GLIS3: variants seen among roughly 807,000 people sequenced by gnomAD.
GLIS3 encodes the protein zinc finger protein GLIS3.
Under a neutral mutation model 78.6 loss-of-function variants are expected in GLIS3, and 53 were observed. That is an observed-to-expected ratio of 0.67 (90% CI 0.54 to 0.85). The LOEUF (loss-of-function observed/expected upper bound fraction) is 0.85. Ranked by LOEUF, GLIS3 falls within the 40% of genes least tolerant of loss-of-function variation. The probability of loss-of-function intolerance (pLI) is 0.00; values close to 1 mark genes in which losing one functional copy is unlikely to be tolerated. For synonymous variants in GLIS3, 684 were observed against 509.9 expected, an observed-to-expected ratio of 1.34 and a Z score of -4.60; for missense variants, 1,703 against 1,231.1, an observed-to-expected ratio of 1.38 and a Z score of -5.74.
At chr9:4,305,217 C>T (rs978424023) in intron 4 of GLIS3, 1 of 152,170 alleles carries the variant, frequency 6.6e-6, no homozygotes, top group African/African-American at 2.4e-5. Context: ...GGGCAGGAAA[C>T]CCTACTTCCA....
rs538611131 is a variant in GLIS3 at position 4,274,657 on chromosome 9, A to G, written c.388+11381T>C. Among the ~76,000 whole-genome samples, 333 of 152,292 alleles carry G rather than the reference A, an allele frequency of 2.2e-3. 1 individual carries two copies. The highest frequency in any genetic ancestry group is 3.6e-3 in the Non-Finnish European group (245 of 68,024). On this transcript the variant is annotated intron_variant, in intron 2 of 10. Coordinates refer to ENST00000381971, the MANE Select transcript of GLIS3 (RefSeq NM_001042413.2). ...CTAGCAAAAAACAGATTCAAAAACA[A>G]AATTATTAAGAATGCCAAGAAGGTG...
intron 2 of GLIS3, among the ~76,000 whole-genome samples, chr9:4,141,794 A>G (rs969116315): frequency 7.9e-5 from 12 of 152,220 alleles, no homozygotes; most frequent in Non-Finnish European, 1.6e-4. Context: ...TTTAACTAAA[A>G]TACCAAAATA....
intron 2 of GLIS3, among the ~76,000 whole-genome samples, chr9:4,314,792 C>G (rs914107877): frequency 2.6e-5 from 4 of 152,202 alleles, no homozygotes; most frequent in African/African-American, 7.2e-5. Flanking sequence ...CCTTTAACCT[C>G]TGTCCCTGAG....
intron 2 of GLIS3, among the ~76,000 whole-genome samples, chr9:4,321,196 G>A (rs1158973297): frequency 3.3e-5 from 5 of 149,298 alleles, no homozygotes; most frequent in Admixed American, 6.7e-5. Flanking sequence ...CGAGGCGGGC[G>A]GATCACAAGG....
At chr9:4,208,883 G>T (rs1399881533) in intron 2 of GLIS3, among the ~76,000 whole-genome samples, 1 of 152,166 alleles carries the variant, frequency 6.6e-6, no homozygotes, top group Non-Finnish European at 1.5e-5. Context: ...AAAGCCTCCA[G>T]CTTTCATGAT....
intron 4 of GLIS3, among the ~76,000 whole-genome samples, chr9:3,998,816 T>C (rs1269493707): frequency 6.7e-6 from 1 of 149,608 alleles, no homozygotes; most frequent in Non-Finnish European, 1.5e-5. Flanking sequence ...TATTAAAATA[T>C]ATTGGTTCAA....
chr9:4,369,364 C>A, the GLIS3 span, among the ~76,000 whole-genome samples: 9 of 152,206 alleles, frequency 5.9e-5, no homozygotes, highest in Admixed American at 5.9e-4. Flanking sequence ...ATTCTCTCAT[C>A]TGTAAAATAA....
intron 2 of GLIS3, among the ~76,000 whole-genome samples, chr9:4,330,721 A>AGGTTGAGAT (rs1817673163): frequency 2.6e-5 from 4 of 152,256 alleles, no homozygotes; most frequent in African/African-American, 7.2e-5. Flanking sequence ...GTAGAGATTA[A>AGGTTGAGAT]GTCGGAGGCA....
At chr9:4,064,656 T>C (rs1029937108) in intron 4 of GLIS3, among the ~76,000 whole-genome samples, 1 of 152,092 alleles carries the variant, frequency 6.6e-6, no homozygotes, top group Non-Finnish European at 1.5e-5. Flanking sequence ...ATGCCTGGTG[T>C]TGTGGCGCAC....
chr9:3,880,090 G>A (rs956315004), intron 7 of GLIS3, among the ~76,000 whole-genome samples: 1 of 152,130 alleles, frequency 6.6e-6, no homozygotes, highest in African/African-American at 2.4e-5. Flanking sequence ...GAGAACTGGA[G>A]CTTCCCTGAT....
chr9:3,851,596 C>G (rs568735756), intron 9 of GLIS3, among the ~76,000 whole-genome samples: 1 of 152,028 alleles, frequency 6.6e-6, no homozygotes, highest in Non-Finnish European at 1.5e-5. Flanking sequence ...TACAAAATGC[C>G]GCAACAAAAA....
chr9:4,083,036 T>A (rs1042455231), intron 4 of GLIS3, among the ~76,000 whole-genome samples: 2 of 152,186 alleles, frequency 1.3e-5, no homozygotes, highest in Non-Finnish European at 2.9e-5. Context: ...TGGTGACATG[T>A]TTAAACTGAG....
intron 2 of GLIS3, among the ~76,000 whole-genome samples, chr9:4,240,951 ATGAGTG>A (rs1031538827): frequency 2.1e-4 from 1 of 4,716 alleles, no homozygotes; most frequent in Non-Finnish European, 3.8e-4. Context: ...GAAAATATGT[ATGAGTG>A]TGTGTGTGTG....
chr9:4,089,260 C>T (rs926993942), intron 4 of GLIS3, among the ~76,000 whole-genome samples: 1 of 152,090 alleles, frequency 6.6e-6, no homozygotes, highest in African/African-American at 2.4e-5. Context: ...CACGTATCAC[C>T]TCTGAAAATT....
intron 2 of GLIS3, among the ~76,000 whole-genome samples, chr9:4,158,884 T>C (rs1026185054): frequency 3.3e-5 from 5 of 152,014 alleles, no homozygotes; most frequent in African/African-American, 4.8e-5. Context: ...AAAAGGCCTA[T>C]GGAAGAGGTA....
At chr9:4,193,688 G>A (rs974890785) in intron 2 of GLIS3, among the ~76,000 whole-genome samples, 1 of 152,222 alleles carries the variant, frequency 6.6e-6, no homozygotes, top group Non-Finnish European at 1.5e-5. Flanking sequence ...GAAGATGGTG[G>A]TGTCCCCACC....
intron 2 of GLIS3, among the ~76,000 whole-genome samples, chr9:4,213,634 A>G (rs1188267406): frequency 6.6e-6 from 1 of 152,236 alleles, no homozygotes; most frequent in Non-Finnish European, 1.5e-5. Flanking sequence ...ACAGCACACT[A>G]GACATTACAT....
intron 2 of GLIS3, among the ~76,000 whole-genome samples, chr9:4,225,316 A>T (rs1193128578): frequency 2.0e-5 from 3 of 152,206 alleles, no homozygotes; most frequent in Non-Finnish European, 2.9e-5. Context: ...TCTAAGTAGT[A>T]TAGACCTGCT....
chr9:4,081,356 T>C (rs1221809547), intron 4 of GLIS3: 3 of 152,254 alleles, frequency 2.0e-5, no homozygotes, highest in Non-Finnish European at 4.4e-5. Flanking sequence ...CTGCCAGCTG[T>C]GTAGTAAATT....
Sources: gnomAD v4.1 joint callset for allele counts (sites outside exome capture counted in the v4.1 genomes callset) on GRCh38, gnomAD v4.1.1 for gene constraint, MANE v1.5 for transcripts, NCBI Gene and HGNC (gene_info 2026-07-23, HGNC 2026-07-21) for gene names.